Variants in GPM6B observed in about 807,000 individuals in gnomAD.
GPM6B encodes neuronal membrane glycoprotein M6-b.
A neutral mutation model predicts 27.2 loss-of-function variants in GPM6B; 4 were observed. The ratio of observed to expected loss-of-function variants is 0.15; its 90% CI spans 0.07 to 0.34. The LOEUF (loss-of-function observed/expected upper bound fraction) is 0.34. Ranked by LOEUF, GPM6B falls within the 10% of genes least tolerant of loss-of-function variation. The probability of loss-of-function intolerance (pLI) is 1.00; values close to 1 mark genes in which losing one functional copy is unlikely to be tolerated. For missense variants in GPM6B, 183 were observed against 261.9 expected (o/e 0.70, Z 2.08); for synonymous variants, 124 against 103.1 (o/e 1.20, Z -1.23).
At chrX:13,818,704 A>G (rs935589621), upstream of GPM6B, among the ~76,000 whole-genome samples, 3 of 112,493 alleles carry the variant, frequency 2.7e-5, no homozygotes, top group Non-Finnish European at 5.6e-5. Flanking sequence ...CAGACTTTAG[A>G]AAAAAGATTC....
chrX:13,788,198 G>A (rs891879395), intron 2 of GPM6B, among the ~76,000 whole-genome samples: 3 of 111,748 alleles, frequency 2.7e-5, no homozygotes, highest in Non-Finnish European at 3.8e-5. Flanking sequence ...TTCTAACTGG[G>A]TTTTCTGTTG....
chrX:13,889,201 A>T (rs960135305), intron 1 of GPM6B: 1 of 112,007 alleles, frequency 8.9e-6, no homozygotes, highest in Non-Finnish European at 1.9e-5. Context: ...CCAGAGAATA[A>T]CATCATAAAA....
chrX:13,792,943 C>A (rs2147146257), intron 2 of GPM6B, among the ~76,000 whole-genome samples: 1 of 107,837 alleles, frequency 9.3e-6, no homozygotes, highest in Admixed American at 9.9e-5. Flanking sequence ...CACCCCACCC[C>A]CAACCATCTG....
At chrX:13,807,389 G>A (rs2049041667) in intron 2 of GPM6B, among the ~76,000 whole-genome samples, 2 of 111,857 alleles carry the variant, frequency 1.8e-5, no homozygotes, top group Admixed American at 1.9e-4. Context: ...TTCCCTTTGA[G>A]AAGACGAAGT....
chrX:13,897,353 T>C (rs960628868), intron 1 of GPM6B, among the ~76,000 whole-genome samples: 2 of 112,103 alleles, frequency 1.8e-5, no homozygotes, highest in African/African-American at 3.2e-5. Context: ...CAGGAGCAAA[T>C]TGCATCTTAA....
At chrX:13,792,019 A>G (rs990826044) in intron 2 of GPM6B, among the ~76,000 whole-genome samples, 2 of 111,750 alleles carry the variant, frequency 1.8e-5, no homozygotes, top group African/African-American at 3.3e-5. Context: ...TAAAAAGAAA[A>G]GATGCAGGAA....
At chrX:13,826,604 G>A (rs2049376689) in intron 1 of GPM6B, among the ~76,000 whole-genome samples, 1 of 109,666 alleles carries the variant, frequency 9.1e-6, no homozygotes, top group African/African-American at 3.3e-5. Context: ...CAAGTGTAGC[G>A]GGGCACACCT....
chrX:13,827,992 C>T (rs2049396136), intron 1 of GPM6B, among the ~76,000 whole-genome samples: 1 of 111,176 alleles, frequency 9.0e-6, no homozygotes, highest in Non-Finnish European at 1.9e-5. Flanking sequence ...CTCATGCAGG[C>T]ACACAGATGC....
At chrX:13,850,055 T>C (rs1412960713) in intron 1 of GPM6B, among the ~76,000 whole-genome samples, 1 of 111,746 alleles carries the variant, frequency 8.9e-6, no homozygotes, top group East Asian at 2.8e-4. Flanking sequence ...CAAGACTCTG[T>C]CTCAAAAAAT....
At chrX:13,821,136 A>G (rs2049302021), upstream of GPM6B, among the ~76,000 whole-genome samples, 1 of 111,579 alleles carries the variant, frequency 9.0e-6, no homozygotes, top group Admixed American at 9.5e-5. Context: ...TTTTACCACC[A>G]AATAGCCTTT....
At chrX:13,937,097 G>A (rs1307384214) in intron 1 of GPM6B, among the ~76,000 whole-genome samples, 1 of 111,310 alleles carries the variant, frequency 9.0e-6, no homozygotes, top group Non-Finnish European at 1.9e-5. Flanking sequence ...AGGTTGAATG[G>A]TTTGACTGCT....
At chrX:13,840,425 C>T (rs1168301327) in intron 1 of GPM6B, among the ~76,000 whole-genome samples, 3 of 111,725 alleles carry the variant, frequency 2.7e-5, no homozygotes, top group East Asian at 2.8e-4. Flanking sequence ...GCTGACACCA[C>T]GCGCCTGACA....
At chrX:13,891,406 CAGAT>C (rs1210575007) in intron 1 of GPM6B, among the ~76,000 whole-genome samples, 1 of 95,178 alleles carries the variant, frequency 1.1e-5, no homozygotes, top group Non-Finnish European at 2.0e-5. Flanking sequence ...CAAAGCAAGT[CAGAT>C]AGAAACCAAA....
chrX:13,889,275 T>C (rs2050166638), intron 1 of GPM6B, among the ~76,000 whole-genome samples: 1 of 111,877 alleles, frequency 8.9e-6, no homozygotes, highest in Admixed American at 9.5e-5. Flanking sequence ...AGGAGACAGA[T>C]GATACTAAAT....
chrX:13,931,163 G>A (rs1028251099), intron 1 of GPM6B, among the ~76,000 whole-genome samples: 22 of 102,311 alleles, frequency 2.2e-4, no homozygotes, highest in Admixed American at 1.1e-4. Context: ...CAGCCTGGGT[G>A]ACAGAACTAG....
chrX:13,896,543 C>T (rs1174203191), intron 1 of GPM6B, among the ~76,000 whole-genome samples: 3 of 111,138 alleles, frequency 2.7e-5, no homozygotes, highest in Non-Finnish European at 1.9e-5. Flanking sequence ...GTAGGTAAAA[C>T]ATGGCCCCAT....
intron 1 of GPM6B, among the ~76,000 whole-genome samples, chrX:13,879,391 A>G (rs2050071945): frequency 1.8e-5 from 2 of 112,008 alleles, no homozygotes; most frequent in South Asian, 7.5e-4. Flanking sequence ...TTCAAATACA[A>G]TGCTGCTGGT....
chrX:13,936,774 G>C (rs745924570), intron 1 of GPM6B, among the ~76,000 whole-genome samples: 11 of 112,034 alleles, frequency 9.8e-5, no homozygotes, highest in Non-Finnish European at 2.1e-4. Flanking sequence ...TCTGGCTCGG[G>C]CCTTTGCTTC....
intron 1 of GPM6B, among the ~76,000 whole-genome samples, chrX:13,871,293 T>C (rs978258288): frequency 2.7e-5 from 3 of 111,459 alleles, no homozygotes; most frequent in African/African-American, 9.8e-5. Context: ...TAACCCTAAA[T>C]CTTTAGTAAA....
Sources: allele counts gnomAD v4.1 joint callset (sites outside exome capture counted in the v4.1 genomes callset), GRCh38; gene constraint gnomAD v4.1.1; transcripts MANE v1.5; gene names NCBI Gene and HGNC (gene_info 2026-07-23, HGNC 2026-07-21).